CYP4B1: variants seen among roughly 807,000 people sequenced by gnomAD.
The protein encoded by CYP4B1 is cytochrome P450 family 4 subfamily B member 1, also known as cytochrome P450 4B1.
In CYP4B1, 45 loss-of-function variants were observed where a neutral mutation model predicts 54.0. The ratio of observed to expected loss-of-function variants is 0.83; its 90% confidence interval spans 0.66 to 1.07. The LOEUF is 1.07. Among genes scored for constraint, CYP4B1 ranks in the 50% least tolerant of loss-of-function variants. The probability of loss-of-function intolerance (pLI) is 0.00; values close to 1 mark genes in which losing one functional copy is unlikely to be tolerated. For synonymous variants in CYP4B1, 248 were observed against 247.5 expected (o/e 1.00, Z -0.02); for missense variants, 656 against 655.4 (o/e 1.00, Z -0.01).
chr1:46,812,265 A>G (rs144721189), intron 3 of CYP4B1: 18 of 670,072 alleles, frequency 2.7e-5, no homozygotes, highest in African/African-American at 2.5e-4. Flanking sequence ...TGAGATACAG[A>G]AACTGAGTTA....
At chr1:46,814,122 C>G (rs1052608738) in intron 6 of CYP4B1, 59 bp downstream of exon 6, 1 of 1,610,440 alleles carries the variant, frequency 6.2e-7, no homozygotes, top group East Asian at 2.2e-5. Flanking sequence ...CCTGGCCCCT[C>G]TATGCCCCCT....
Position 46,819,072 on chromosome 1 carries a change from G to T in CYP4B1, c.*258G>T. 1 of 366,580 alleles carries T rather than the reference G, an allele frequency of 2.7e-6. No homozygotes were observed. 22.7% of individuals were successfully genotyped at this position (366,580 alleles called of 1,614,324 possible). ...TTTGGTGAGCACCTATTTCGTTCGA[G>T]AAACTTCATTTATCTCCTATAATTG... On this transcript the variant is annotated 3_prime_UTR_variant, in exon 12 of 12. Transcript: ENST00000371923.
rs758066096 is a variant in CYP4B1, at chr1:46,799,073, A to G, written c.-9A>G. ...GTCAGATGAAGGCTAGGTGGCTGGA[A>G]CTGCAACCATGGTGCCCAGCTTCCT... is the stretch of plus-strand genomic sequence containing the variant. On this transcript the variant is annotated 5_prime_UTR_variant, in exon 1 of 12. Transcript: ENST00000371923. 6.2e-7 allele frequency: 1 copy of G among 1,613,748 alleles called. No individual in the cohort carries two copies. Among genetic ancestry groups the G allele is most frequent in the East Asian group, 2.2e-5 (1 of 44,844 alleles).
chr1:46,810,852 C>G lies in CYP4B1; in HGVS notation c.225C>G (p.His75Gln), dbSNP rs74072924. Residue 75 changes from histidine (H) to glutamine (Q), a missense_variant, in exon 2 of 12, where the codon CAC (histidine) becomes CAG (glutamine). Coordinates refer to ENST00000371923, the MANE Select transcript of CYP4B1 (RefSeq NM_001099772.2). ...TGGACAAAGTGGTGTCCTGGGCCCA[C>G]CAGTTCCCGTATGCCCACCCACTCT... ...GSLDKVVSWAHQFPYAHPLWF... is the reference protein window; with the variant it reads ...GSLDKVVSWAQQFPYAHPLWF... 532 of 1,614,144 alleles carry G rather than the reference C, an allele frequency of 3.3e-4. 1 individual carries two copies. In the African/African-American group the frequency reaches 4.2e-3, roughly 13 times the overall value.
At position 46,818,911 on chromosome 1, in the gene CYP4B1, T is replaced by C; in HGVS notation, c.*97T>C. The C allele has an allele frequency of 8.9e-7, 1 of 1,125,116 alleles. No individual in the cohort carries two copies. Among genetic ancestry groups the C allele is most frequent in the South Asian group, 1.4e-5 (1 of 69,850 alleles). The allele number at this position is 1,125,116 out of a possible 1,614,324, so 69.7% of individuals were successfully genotyped here. ...GTGGAGGAGTTGGGGCCCCCTGCCT[T>C]CAGGAGGCTTGTAGTTTAGAAGGGA... On this transcript the variant is annotated 3_prime_UTR_variant, in exon 12 of 12. Coordinates refer to ENST00000371923, the MANE Select transcript of CYP4B1 (RefSeq NM_001099772.2).
At chr1:46,803,589 A>C (rs773173606) in intron 1 of CYP4B1, among the ~76,000 whole-genome samples, 8 of 152,236 alleles carry the variant, frequency 5.3e-5, no homozygotes, top group Non-Finnish European at 1.0e-4. Flanking sequence ...AAATGTGGGC[A>C]TCTGAGACCC....
intron 1 of CYP4B1, among the ~76,000 whole-genome samples, chr1:46,801,975 T>G (rs1220174195): frequency 6.6e-6 from 1 of 152,190 alleles, no homozygotes; most frequent in Non-Finnish European, 1.5e-5. Flanking sequence ...CTTCTTGGTC[T>G]CTGATTACAG....
chr1:46,806,451 A>G (rs1370839556), intron 1 of CYP4B1, among the ~76,000 whole-genome samples: 1 of 152,190 alleles, frequency 6.6e-6, no homozygotes, highest in Non-Finnish European at 1.5e-5. Context: ...TGGCTTGAGC[A>G]GGCTTGCTAA....
chr1:46,801,849 AG>A (rs1483293407), intron 1 of CYP4B1, among the ~76,000 whole-genome samples: 1 of 152,224 alleles, frequency 6.6e-6, no homozygotes, highest in Non-Finnish European at 1.5e-5. Context: ...AGACCATAAA[AG>A]GTTACTGCAA....
Position 46,819,367 on chromosome 1 carries a change from C to T in CYP4B1, c.*553C>T, listed in dbSNP as rs903988918. Reference sequence around the variant, plus strand: ...GAAGCAGACTCTCTTGTAACCATCACTGAAGTCAAGAAATATGGAATATGG... The same window carrying T: ...GAAGCAGACTCTCTTGTAACCATCATTGAAGTCAAGAAATATGGAATATGG... On this transcript the variant is annotated 3_prime_UTR_variant, in exon 12 of 12. Coordinates refer to ENST00000371923, the MANE Select transcript of CYP4B1 (RefSeq NM_001099772.2). 1.3e-5 allele frequency: 2 copies of T among 152,396 alleles called. No homozygotes were observed. The highest frequency in any genetic ancestry group is 1.3e-4 in the Admixed American group (2 of 15,298). The allele number at this position is 152,396 out of a possible 1,614,324, so 9.4% of individuals were successfully genotyped here. A position where few individuals can be genotyped will look rare whatever the true frequency, so the allele number is the denominator to read the frequency against.
Position 46,814,010 on chromosome 1 carries a change from C to T in CYP4B1, c.722C>T (p.Thr241Ile). 1 of 1,614,178 alleles carries T rather than the reference C, an allele frequency of 6.2e-7. No individual in the cohort carries two copies. Among genetic ancestry groups the T allele is most frequent in the Non-Finnish European group, 8.5e-7 (1 of 1,180,022 alleles). ...CATAATGACTTCATCTACTGGCTCA[C>T]CCCACATGGCCGCCGCTTCCTGCGG... ...QYHNDFIYWL[T>I]PHGRRFLRAC... Residue 241 changes from threonine (T) to isoleucine (I), a missense_variant, in exon 6 of 12, where the codon ACC (threonine) becomes ATC (isoleucine). Transcript: ENST00000371923.
chr1:46,819,020 A>T lies in CYP4B1; in HGVS notation c.*206A>T, dbSNP rs1236741242. The T allele has an allele frequency of 1.0e-5, 5 of 479,908 alleles. No homozygotes were observed. Among genetic ancestry groups the T allele is most frequent in the Admixed American group, 3.6e-5 (1 of 27,764 alleles). 29.7% of individuals were successfully genotyped at this position (479,908 alleles called of 1,614,324 possible). On this transcript the variant is annotated 3_prime_UTR_variant, in exon 12 of 12. Coordinates refer to ENST00000371923, the MANE Select transcript of CYP4B1 (RefSeq NM_001099772.2). ...TAAATGTTTATCATGCATGTATTCTAGAGCTCATTCATTTATTCAACAAAC... is the reference window on the plus strand; with the variant it reads ...TAAATGTTTATCATGCATGTATTCTTGAGCTCATTCATTTATTCAACAAAC...
At chr1:46,815,591 G>A (rs981290223) in intron 8 of CYP4B1, among the ~76,000 whole-genome samples, 2 of 152,176 alleles carry the variant, frequency 1.3e-5, no homozygotes, top group Non-Finnish European at 2.9e-5. Flanking sequence ...GGGAGAGCTG[G>A]GAGAGAAAGA....
intron 3 of CYP4B1, 37 bp downstream of exon 3, chr1:46,811,221 C>G: frequency 6.2e-7 from 1 of 1,607,776 alleles, no homozygotes; most frequent in Non-Finnish European, 8.5e-7. Flanking sequence ...CTGCCAACCT[C>G]AGACCCGTGG....
chr1:46,818,634 C>T lies in CYP4B1; in HGVS notation c.1359C>T (p.Asn453=). 1 of 1,614,186 alleles carries T rather than the reference C, an allele frequency of 6.2e-7. No homozygotes were observed. Among genetic ancestry groups the T allele is most frequent in the Non-Finnish European group, 8.5e-7 (1 of 1,179,986 alleles). Residue 453 remains asparagine, a synonymous_variant, in exon 12 of 12, where the codon AAC becomes AAT. Coordinates refer to ENST00000371923, the MANE Select transcript of CYP4B1 (RefSeq NM_001099772.2). ...CTCTTTGTGCTGCTTGCTACAGGAA[C>T]TGCATTGGGCAGCAGTTTGCCATGA... ...AFMPFSAGPR[N]CIGQQFAMSE...
chr1:46,806,527 C>T (rs983040095), intron 1 of CYP4B1, among the ~76,000 whole-genome samples: 8 of 152,182 alleles, frequency 5.3e-5, no homozygotes, highest in African/African-American at 1.7e-4. Flanking sequence ...GGACTGTTCC[C>T]TTTGGTCTTT....
chr1:46,800,015 G>A (rs541557187), intron 1 of CYP4B1, among the ~76,000 whole-genome samples: 1 of 152,336 alleles, frequency 6.6e-6, no homozygotes, highest in Non-Finnish European at 1.5e-5. Context: ...CAATTTGTCA[G>A]ATTGGAACTA....
chr1:46,800,859 GC>G (rs1285691271), intron 1 of CYP4B1, among the ~76,000 whole-genome samples: 1 of 152,178 alleles, frequency 6.6e-6, no homozygotes, highest in African/African-American at 2.4e-5. Context: ...TCAGACCCAG[GC>G]CTGGGGTTCA....
intron 1 of CYP4B1, among the ~76,000 whole-genome samples, chr1:46,804,551 G>A (rs1306849217): frequency 6.6e-6 from 1 of 151,958 alleles, no homozygotes; most frequent in Non-Finnish European, 1.5e-5. Context: ...TGGGTGAGGT[G>A]CCTTGTGGGG....
Sources: gnomAD v4.1 joint callset for allele counts (sites outside exome capture counted in the v4.1 genomes callset) on GRCh38, gnomAD v4.1.1 for gene constraint, MANE v1.5 for transcripts, NCBI Gene and HGNC (gene_info 2026-07-23, HGNC 2026-07-21) for gene names.